RNLS: variants seen among roughly 807,000 people sequenced by gnomAD.
RNLS encodes renalase, FAD dependent amine oxidase, also known as renalase.
Under a neutral mutation model 39.8 loss-of-function variants are expected in RNLS, and 39 were observed. The observed-to-expected ratio is 0.98, with a 90% CI of 0.76 to 1.28. The LOEUF is 1.28. RNLS is among the 50% of genes most tolerant of loss of function. RNLS has a pLI of 0.00. For synonymous variants in RNLS, 147 were observed against 150.7 expected, an observed-to-expected ratio of 0.98 and a Z score of 0.18; for missense variants, 410 against 413.3, an observed-to-expected ratio of 0.99 and a Z score of 0.07.
At chr10:88,520,876 T>C (rs1846683110) in intron 4 of RNLS, among the ~76,000 whole-genome samples, 2 of 152,042 alleles carry the variant, frequency 1.3e-5, no homozygotes, top group African/African-American at 4.8e-5. Flanking sequence ...TTTCCCCTTC[T>C]ATGAATCTGT....
chr10:88,254,991 C>T, the RNLS span, among the ~76,000 whole-genome samples: 1 of 152,222 alleles, frequency 6.6e-6, no homozygotes, highest in East Asian at 1.9e-4. Flanking sequence ...AAGCCTCTTC[C>T]TGCTTAACCC....
chr10:88,190,505 C>A, the RNLS span, among the ~76,000 whole-genome samples: 13 of 152,172 alleles, frequency 8.5e-5, no homozygotes, highest in African/African-American at 3.1e-4. Flanking sequence ...GGTAGATTAA[C>A]TCAGTTTTTC....
chr10:88,287,075 CA>C (rs1405108872), intron 6 of RNLS, among the ~76,000 whole-genome samples: 2 of 152,110 alleles, frequency 1.3e-5, no homozygotes, highest in Admixed American at 1.3e-4. Context: ...AGGCATAAGC[CA>C]CCATGCCTGG....
the RNLS span, among the ~76,000 whole-genome samples, chr10:88,255,265 C>T: frequency 3.9e-5 from 6 of 152,330 alleles, no homozygotes; most frequent in African/African-American, 1.2e-4. Flanking sequence ...TATTCTTAAA[C>T]ATTTCAAACT....
intron 5 of RNLS, among the ~76,000 whole-genome samples, chr10:88,355,700 C>T (rs1849109998): frequency 6.6e-6 from 1 of 152,154 alleles, no homozygotes; most frequent in South Asian, 2.1e-4. Context: ...TCTCAGATCT[C>T]AAACTCCATT....
chr10:88,534,608 A>G (rs1415990339), intron 4 of RNLS, among the ~76,000 whole-genome samples: 2 of 152,182 alleles, frequency 1.3e-5, no homozygotes, highest in Non-Finnish European at 1.5e-5. Context: ...CAATGAAATC[A>G]GTATCAGCAA....
At chr10:88,406,444 C>CCCAA (rs2133674244) in intron 4 of RNLS, among the ~76,000 whole-genome samples, 1 of 152,026 alleles carries the variant, frequency 6.6e-6, no homozygotes, top group East Asian at 1.9e-4. Flanking sequence ...CTTTGTCTTT[C>CCCAA]TTGGATTGGG....
At chr10:88,512,148 A>G (rs1846152890) in intron 4 of RNLS, among the ~76,000 whole-genome samples, 1 of 152,198 alleles carries the variant, frequency 6.6e-6, no homozygotes, top group Non-Finnish European at 1.5e-5. Flanking sequence ...TGCAACAAAG[A>G]AGTTGAGAAA....
At chr10:88,538,534 AATAAT>A (rs1236000762) in intron 4 of RNLS, among the ~76,000 whole-genome samples, 1 of 152,180 alleles carries the variant, frequency 6.6e-6, no homozygotes, top group Non-Finnish European at 1.5e-5. Flanking sequence ...ACTTGAAAGA[AATAAT>A]AAAATACTCC....
At position 88,284,705 on chromosome 10, in the gene RNLS, T is replaced by A. The variant is rs1275479139; in HGVS notation, c.*649A>T. On this transcript the variant is annotated 3_prime_UTR_variant, in exon 7 of 7. Coordinates refer to ENST00000331772, the MANE Select transcript of RNLS (RefSeq NM_001031709.3). ...ATTAGGACTGGAATTTGTTTGAAAG[T>A]TAAAAAGTACTGTGTGGCTGGGAAA... The A allele has an allele frequency of 1.9e-5, 19 of 985,218 alleles. No homozygotes were observed. The highest frequency in any genetic ancestry group is 2.2e-5 in the Non-Finnish European group (18 of 829,894). The allele number at this position is 985,218 out of a possible 1,614,324, so 61.0% of individuals were successfully genotyped here. A position where few individuals can be genotyped will look rare whatever the true frequency, so the allele number is the denominator to read the frequency against.
the RNLS span, among the ~76,000 whole-genome samples, chr10:88,244,149 A>C: frequency 6.6e-6 from 1 of 152,204 alleles, no homozygotes; most frequent in South Asian, 2.1e-4. Flanking sequence ...TCCTGGGCCC[A>C]ATCCGGGGTC....
the RNLS span, among the ~76,000 whole-genome samples, chr10:88,222,436 A>T: frequency 6.6e-6 from 1 of 152,182 alleles, no homozygotes; most frequent in African/African-American, 2.4e-5. Flanking sequence ...GCCTGGTCCC[A>T]CAACTAATAG....
intron 4 of RNLS, among the ~76,000 whole-genome samples, chr10:88,472,155 T>C (rs1020585856): frequency 6.6e-6 from 1 of 152,172 alleles, no homozygotes; most frequent in African/African-American, 2.4e-5. Flanking sequence ...CCAGGCCTGC[T>C]GAGTTAACCC....
At chr10:88,263,740 T>G in the RNLS span, among the ~76,000 whole-genome samples, 2 of 152,192 alleles carry the variant, frequency 1.3e-5, no homozygotes, top group Non-Finnish European at 2.9e-5. Context: ...CTAGGTTACT[T>G]TAGGCAGATG....
the RNLS span, among the ~76,000 whole-genome samples, chr10:88,248,975 A>G: frequency 1.3e-5 from 2 of 152,044 alleles, no homozygotes; most frequent in African/African-American, 4.8e-5. Flanking sequence ...CCCTCTACTC[A>G]TTCTTCAAGA....
intron 4 of RNLS, among the ~76,000 whole-genome samples, chr10:88,473,462 C>G (rs550321166): frequency 1.3e-5 from 2 of 151,948 alleles, no homozygotes; most frequent in African/African-American, 4.8e-5. Flanking sequence ...GGCACACAGG[C>G]CTTGATGTTA....
intron 4 of RNLS, among the ~76,000 whole-genome samples, chr10:88,402,431 G>GAA (rs374860066): frequency 2.7e-5 from 4 of 148,984 alleles, no homozygotes; most frequent in African/African-American, 4.9e-5. Flanking sequence ...CATGTCTCTG[G>GAA]AAAAAAAAAC....
At chr10:88,443,780 G>A (rs571147730) in intron 4 of RNLS, among the ~76,000 whole-genome samples, 3 of 152,302 alleles carry the variant, frequency 2.0e-5, no homozygotes, top group Admixed American at 6.5e-5. Flanking sequence ...GGGAAGGGGC[G>A]CCCGCCATTG....
chr10:88,446,764 A>G (rs1260174404), intron 4 of RNLS, among the ~76,000 whole-genome samples: 1 of 152,326 alleles, frequency 6.6e-6, no homozygotes, highest in East Asian at 1.9e-4. Context: ...AAAATCCTCA[A>G]TAAGATACTG....
Sources: gnomAD v4.1 joint callset for allele counts (sites outside exome capture counted in the v4.1 genomes callset) on GRCh38, gnomAD v4.1.1 for gene constraint, MANE v1.5 for transcripts, NCBI Gene and HGNC (gene_info 2026-07-23, HGNC 2026-07-21) for gene names.